EPHB2: variants seen among roughly 807,000 people sequenced by gnomAD.
The protein encoded by EPHB2 is ephrin type-B receptor 2.
In EPHB2, 18 loss-of-function variants were observed where a neutral mutation model predicts 96.4. The ratio of observed to expected loss-of-function variants is 0.19; its 90% CI spans 0.13 to 0.28. The LOEUF (loss-of-function observed/expected upper bound fraction) is 0.28. Ranked by LOEUF, EPHB2 falls within the 10% of genes least tolerant of loss-of-function variation. The pLI is 1.00. For missense variants in EPHB2, 989 were observed against 1,355.4 expected, an observed-to-expected ratio of 0.73 and a Z score of 4.25; for synonymous variants, 506 against 534.1, an observed-to-expected ratio of 0.95 and a Z score of 0.72.
At chr1:22,776,783 A>G (rs906601341) in intron 1 of EPHB2, among the ~76,000 whole-genome samples, 2 of 152,222 alleles carry the variant, frequency 1.3e-5, no homozygotes, top group African/African-American at 2.4e-5. Flanking sequence ...GAAATGGCTA[A>G]AGTCATTAAT....
chr1:22,911,510 GC>G (rs1225526069), intron 14 of EPHB2, among the ~76,000 whole-genome samples: 5 of 152,166 alleles, frequency 3.3e-5, no homozygotes, highest in Non-Finnish European at 7.4e-5. Flanking sequence ...TGAGAGACGG[GC>G]TCAGCCTGAG....
intron 3 of EPHB2, among the ~76,000 whole-genome samples, chr1:22,802,445 T>C (rs1557682945): frequency 1.3e-5 from 2 of 152,140 alleles, no homozygotes; most frequent in East Asian, 3.9e-4. Context: ...CTTTGAGAGA[T>C]GTGTCTAGAG....
At chr1:22,884,365 G>T (rs1639153801) in intron 6 of EPHB2, among the ~76,000 whole-genome samples, 12 of 152,148 alleles carry the variant, frequency 7.9e-5, no homozygotes, top group Admixed American at 7.9e-4. Flanking sequence ...AATTATCTGG[G>T]CATGGTGGCG....
chr1:22,798,245 C>T (rs968791675), intron 3 of EPHB2, among the ~76,000 whole-genome samples: 1 of 152,136 alleles, frequency 6.6e-6, no homozygotes, highest in Admixed American at 6.5e-5. Flanking sequence ...ACGCTACTAA[C>T]CAAGGCCCAT....
At chr1:22,812,105 C>A (rs983389785) in intron 3 of EPHB2, among the ~76,000 whole-genome samples, 1 of 152,242 alleles carries the variant, frequency 6.6e-6, no homozygotes, top group Admixed American at 6.5e-5. Context: ...AGTCAGTTCA[C>A]TTCTCTGAGC....
At chr1:22,809,239 G>C (rs1644970611) in intron 3 of EPHB2, among the ~76,000 whole-genome samples, 1 of 152,214 alleles carries the variant, frequency 6.6e-6, no homozygotes, top group Admixed American at 6.5e-5. Context: ...GTGCAGAGAA[G>C]GGAAAATTAA....
At chr1:22,910,876 G>A (rs1176379748) in intron 14 of EPHB2, among the ~76,000 whole-genome samples, 11 of 152,170 alleles carry the variant, frequency 7.2e-5, no homozygotes, top group Non-Finnish European at 5.9e-5. Context: ...GATGGCTCAC[G>A]CCTGTAATCC....
At chr1:22,882,853 C>T (rs1639096197) in intron 6 of EPHB2, 1 of 326,472 alleles carries the variant, frequency 3.1e-6, no homozygotes, top group South Asian at 2.7e-5. Context: ...TAATTAGTCA[C>T]TCACCTCTTC....
At position 22,865,148 on chromosome 1, in the gene EPHB2, C is replaced by A. The variant is rs770353782; in HGVS notation, c.1239C>A (p.Gly413=). ...QYTFEIQAVN[G]VTDQSPFSPQ... is the part of the protein sequence containing the mutation. ...CCTTCGAGATCCAGGCTGTGAACGG[C>A]GTTACTGACCAGAGCCCCTTCTCGC... Residue 413 remains glycine, a synonymous_variant, in exon 5 of 16, where the codon GGC becomes GGA. Coordinates refer to ENST00000374630, the MANE Select transcript of EPHB2 (RefSeq NM_017449.5). 2.5e-6 allele frequency: 4 copies of A among 1,614,092 alleles called. No homozygotes were observed. In the African/African-American group the frequency reaches 4.0e-5, roughly 16 times the overall value.
intron 1 of EPHB2, among the ~76,000 whole-genome samples, chr1:22,755,668 C>T: frequency 6.6e-6 from 1 of 152,198 alleles, no homozygotes. Context: ...TACTTCACTG[C>T]AAAGTGCCTC....
At position 22,917,577 on chromosome 1, in the gene EPHB2, C is replaced by T. The variant is rs1003706118; in HGVS notation, c.*4007C>T. On this transcript the variant is annotated 3_prime_UTR_variant, in exon 16 of 16. Transcript: ENST00000374630. ...CACTGAGCCATCTGTAAAATGAGAG[C>T]ATTGGACTGGGTGAGGCAGGCTGTG... The T allele has an allele frequency of 4.6e-5, 7 of 152,204 alleles. No individual in the cohort carries two copies. The highest frequency in any genetic ancestry group is 1.7e-4 in the African/African-American group (7 of 41,430). 9.4% of individuals were successfully genotyped at this position (152,204 alleles called of 1,614,324 possible).
intron 2 of EPHB2, among the ~76,000 whole-genome samples, chr1:22,781,997 G>A (rs536165679): frequency 2.6e-5 from 4 of 152,216 alleles, no homozygotes; most frequent in East Asian, 3.9e-4. Context: ...CTCTCTGCCC[G>A]CTTTCTGGGT....
chr1:22,902,628 GC>G, intron 9 of EPHB2, among the ~76,000 whole-genome samples: 1 of 152,310 alleles, frequency 6.6e-6, no homozygotes, highest in Admixed American at 6.5e-5. Context: ...TACTTATTGG[GC>G]ACCCACTGTG....
chr1:22,862,085 C>T (rs1182870828), intron 3 of EPHB2, among the ~76,000 whole-genome samples: 2 of 152,238 alleles, frequency 1.3e-5, no homozygotes, highest in African/African-American at 2.4e-5. Context: ...AGGGCCTAGA[C>T]CCTCAGCCTC....
At chr1:22,872,650 GC>G (rs958851103) in intron 5 of EPHB2, among the ~76,000 whole-genome samples, 2 of 152,192 alleles carry the variant, frequency 1.3e-5, no homozygotes, top group African/African-American at 4.8e-5. Context: ...AGATCCCACA[GC>G]AGGTCCCCAG....
intron 5 of EPHB2, among the ~76,000 whole-genome samples, chr1:22,871,018 T>A (rs548304648): frequency 6.6e-6 from 1 of 152,210 alleles, no homozygotes; most frequent in African/African-American, 2.4e-5. Context: ...TTCACTCTAA[T>A]CCCCAAAACG....
At chr1:22,887,131 G>A (rs1043053318) in intron 6 of EPHB2, among the ~76,000 whole-genome samples, 12 of 152,072 alleles carry the variant, frequency 7.9e-5, no homozygotes, top group African/African-American at 2.7e-4. Flanking sequence ...TAGGATCCTG[G>A]AGAATGCCAG....
At chr1:22,849,414 C>T (rs1294888396) in intron 3 of EPHB2, among the ~76,000 whole-genome samples, 1 of 152,226 alleles carries the variant, frequency 6.6e-6, no homozygotes, top group Non-Finnish European at 1.5e-5. Flanking sequence ...TATCAGCTCC[C>T]TGAGGTCAGG....
chr1:22,826,817 C>G (rs1645231381), intron 3 of EPHB2, among the ~76,000 whole-genome samples: 6 of 152,186 alleles, frequency 3.9e-5, no homozygotes, highest in Admixed American at 3.3e-4. Context: ...TGCTGTCACG[C>G]CTGCCTCCCC....
Sources: allele counts gnomAD v4.1 joint callset (sites outside exome capture counted in the v4.1 genomes callset), GRCh38; gene constraint gnomAD v4.1.1; transcripts MANE v1.5; gene names NCBI Gene and HGNC (gene_info 2026-07-23, HGNC 2026-07-21).